The following ALOX12 variants were observed in gnomAD, a reference collection of about 807,000 sequenced individuals.
ALOX12 encodes the protein polyunsaturated fatty acid lipoxygenase ALOX12.
A neutral mutation model predicts 85.5 loss-of-function variants in ALOX12; 62 were observed. The observed-to-expected ratio is 0.73, with a 90% CI of 0.59 to 0.90. ALOX12 has a LOEUF of 0.90. ALOX12 is among the 40% of genes least tolerant of loss of function. The pLI is 0.00. For synonymous variants in ALOX12, 299 were observed against 332.7 expected (o/e 0.90, Z 1.10); for missense variants, 751 against 856.5 (o/e 0.88, Z 1.54).
chr17:6,996,514 G>T (rs1449301338), intron 1 of ALOX12, among the ~76,000 whole-genome samples: 2 of 151,724 alleles, frequency 1.3e-5, no homozygotes, highest in Non-Finnish European at 2.9e-5. Context: ...CAGTGACCCA[G>T]AGCCAATGTA....
rs148602792 is a variant in ALOX12, at chr17:6,998,570, A to C, written c.399A>C (p.Lys133Asn). 8.1e-4 allele frequency: 1,301 copies of C among 1,613,986 alleles called. 7 individuals carry two copies. Among genetic ancestry groups the C allele is most frequent in the Middle Eastern group, 4.9e-3 (30 of 6,062 alleles). The change falls in exon 3 of 14, where the codon AAA becomes AAC. Residue 133 changes from lysine (K) to asparagine (N), a missense_variant. Lys to Asn is a moderately conservative substitution (Grantham distance 94). Transcript: ENST00000251535. ...MFQKHREKEL[K>N]DRQQIYCWAT... is the part of the protein sequence containing the mutation. ...AGAAGCATCGAGAGAAGGAACTGAA[A>C]GACAGACAGCAGATCTACTGGTGAC...
In ALOX12 at chr17:7,006,505, C is replaced by T; in HGVS notation, c.1438C>T (p.His480Tyr). 6.2e-7 allele frequency: 1 copy of T among 1,613,762 alleles called. No homozygotes were observed. Among genetic ancestry groups the T allele is most frequent in the Non-Finnish European group, 8.5e-7 (1 of 1,179,918 alleles). The change falls in exon 11 of 14, where the codon CAC (histidine) becomes TAC (tyrosine). Residue 480 changes from histidine (H) to tyrosine (Y), a missense_variant. Physicochemically the swap from His to Tyr is moderately conservative, Grantham distance 83. Transcript: ENST00000251535. The stretch of plus-strand genomic sequence containing the variant: ...GGGCAGGTATGTGGAGGGGATCGTC[C>T]ACCTCTTCTACCAAAGGGATGACAT... ...IIARYVEGIV[H>Y]LFYQRDDIVK...
At chr17:6,998,373 T>C in intron 2 of ALOX12, 136 bp from the exon 3 acceptor site, 1 of 642,058 alleles carries the variant, frequency 1.6e-6, no homozygotes, top group Non-Finnish European at 2.8e-6. Flanking sequence ...GATAATCAAA[T>C]GAGGCAAAGC....
Position 7,000,238 on chromosome 17 carries a change from G to A in ALOX12, c.808-98G>A. ...ACAGGGCTCCGGTACTGATGCAGGA[G>A]AATGGCAAGAAGCTAGACTAAATCT... is the stretch of plus-strand genomic sequence containing the variant. On this transcript the variant is annotated intron_variant, in intron 6 of 13. Coordinates refer to ENST00000251535, the MANE Select transcript of ALOX12 (RefSeq NM_000697.3). The surrounding 1 kb of genome is among the most constrained non-coding windows in gnomAD (Gnocchi z 4.6). The A allele has an allele frequency of 7.0e-7, 1 of 1,421,594 alleles. No individual in the cohort carries two copies. The highest frequency in any genetic ancestry group is 1.3e-5 in the South Asian group (1 of 78,172). The allele number at this position is 1,421,594 out of a possible 1,614,324, so 88.1% of individuals were successfully genotyped here. A position where few individuals can be genotyped will look rare whatever the true frequency, so the allele number is the denominator to read the frequency against.
At position 7,000,325 on chromosome 17, in the gene ALOX12, C is replaced by T; in HGVS notation, c.808-11C>T. 6.2e-7 allele frequency: 1 copy of T among 1,614,084 alleles called. No individual in the cohort carries two copies. The highest frequency in any genetic ancestry group is 8.5e-7 in the Non-Finnish European group (1 of 1,179,968). On this transcript the variant is annotated splice_polypyrimidine_tract_variant and intron_variant, in intron 6 of 13. Transcript: ENST00000251535. The surrounding 1 kb of genome is among the most constrained non-coding windows in gnomAD (Gnocchi z 4.6). Reference sequence around the variant, plus strand: ...GAACTCTAAAAATGGATACATCCCTCCTGTCCCCAGAATGGTTCCCTGTTT... The same window carrying T: ...GAACTCTAAAAATGGATACATCCCTTCTGTCCCCAGAATGGTTCCCTGTTT...
At position 7,005,127 on chromosome 17, in the gene ALOX12, G is replaced by C. The variant is rs1051898620; in HGVS notation, c.1162-130G>C. The C allele has an allele frequency of 3.5e-6, 3 of 846,472 alleles. No individual in the cohort carries two copies. The African/African-American group carries it at 5.0e-5, about 14-fold the overall frequency. 52.4% of individuals were successfully genotyped at this position (846,472 alleles called of 1,614,324 possible). ...TGGAGAGCACAAGAGTGAGTGATCA[G>C]AACAGCAGGAGATCAGCCTGTAAAG... On this transcript the variant is annotated intron_variant, in intron 8 of 13. Coordinates refer to ENST00000251535, the MANE Select transcript of ALOX12 (RefSeq NM_000697.3).
intron 11 of ALOX12, among the ~76,000 whole-genome samples, chr17:7,006,899 C>T (rs11571347): frequency 8.5e-5 from 13 of 152,136 alleles, no homozygotes; most frequent in Non-Finnish European, 1.8e-4. Context: ...ATATCCACAG[C>T]TGGGAGGGGT....
chr17:6,999,615 A>C (rs1908612801), intron 6 of ALOX12, 149 bp downstream of exon 6: 3 of 777,860 alleles, frequency 3.9e-6, no homozygotes, highest in Non-Finnish European at 6.0e-6. Flanking sequence ...GAAATAAAAT[A>C]TGTAGGGGAA....
chr17:6,998,489 T>G lies in ALOX12; in HGVS notation c.338-20T>G. On this transcript the variant is annotated intron_variant, in intron 2 of 13. Transcript: ENST00000251535. ...GGACCAGACAGAGCCGTGAGGCCAA[T>G]TGTCTTGATGTCTCCCCAGCCCGCC... is the stretch of plus-strand genomic sequence containing the variant. The G allele has an allele frequency of 6.3e-7, 1 of 1,581,418 alleles. No individual in the cohort carries two copies. The highest frequency in any genetic ancestry group is 8.7e-7 in the Non-Finnish European group (1 of 1,152,002).
rs1908639961 is a variant in ALOX12, at chr17:7,000,138, A to G, written c.808-198A>G. 6.6e-6 allele frequency among the ~76,000 whole-genome samples: 1 copy of G among 152,146 alleles called. No homozygotes were observed. Among genetic ancestry groups the G allele is most frequent in the African/African-American group, 2.4e-5 (1 of 41,410 alleles). Reference sequence around the variant, plus strand: ...CAGATCTGCCACCACATCCACACACAAGACATCTACCCTCACCAGACTGTT... The same window carrying G: ...CAGATCTGCCACCACATCCACACACGAGACATCTACCCTCACCAGACTGTT... On this transcript the variant is annotated intron_variant, in intron 6 of 13. Transcript: ENST00000251535. This position sits in a 1 kb window ranked among gnomAD's most constrained non-coding sequence, Gnocchi z 4.6.
chr17:6,997,718 C>G (rs532514808), intron 2 of ALOX12, among the ~76,000 whole-genome samples: 1 of 151,348 alleles, frequency 6.6e-6, no homozygotes, highest in Non-Finnish European at 1.5e-5. Flanking sequence ...CCACCACACC[C>G]GGCTAATTTT....
chr17:7,009,516 G>A (rs1343382932), intron 11 of ALOX12: 5 of 508,734 alleles, frequency 9.8e-6, no homozygotes, highest in Non-Finnish European at 1.8e-5. Context: ...TATAATGTAG[G>A]TATCGTCCAT....
Position 7,009,825 on chromosome 17 carries a change from A to G in ALOX12, c.1619A>G (p.His540Arg), listed in dbSNP as rs771881031. The change falls in exon 12 of 14, where the codon CAT becomes CGT. Residue 540 changes from histidine to arginine, a missense_variant. His to Arg is a conservative substitution (Grantham distance 29, BLOSUM62 0). Transcript: ENST00000251535. ...TMCVFTCTAQ[H>R]AAINQGQLDW... Reference sequence around the variant, plus strand: ...TGCGTCTTCACGTGCACTGCCCAGCATGCCGCCATCAACCAGGGCCAGGTA... The same window carrying G: ...TGCGTCTTCACGTGCACTGCCCAGCGTGCCGCCATCAACCAGGGCCAGGTA... 9.3e-6 allele frequency: 15 copies of G among 1,614,180 alleles called. No homozygotes were observed. The East Asian group carries it at 2.9e-4, about 31-fold the overall frequency.
At chr17:6,997,678 C>T (rs1908518419) in intron 2 of ALOX12, among the ~76,000 whole-genome samples, 1 of 151,530 alleles carries the variant, frequency 6.6e-6, no homozygotes, top group African/African-American at 2.4e-5. Context: ...CTGCCTCAGC[C>T]TCCCGAGTAG....
Position 7,010,029 on chromosome 17 carries a change from T to A in ALOX12, c.1715T>A (p.Val572Glu), listed in dbSNP as rs371095990. ...RMPPPTTKED[V>E]TMATVMGSLP... ...CCCCCACCCACCACCAAGGAAGATGTGACGATGGCCACAGTGATGGGGTCA... is the reference window on the plus strand; with the variant it reads ...CCCCCACCCACCACCAAGGAAGATGAGACGATGGCCACAGTGATGGGGTCA... The change falls in exon 13 of 14, where the codon GTG becomes GAG. Residue 572 changes from valine (V) to glutamate (E), a missense_variant. Transcript: ENST00000251535. The A allele has an allele frequency of 1.9e-6, 3 of 1,614,094 alleles. No individual in the cohort carries two copies. Among genetic ancestry groups the A allele is most frequent in the Non-Finnish European group, 2.5e-6 (3 of 1,180,042 alleles).
At position 7,000,423 on chromosome 17, in the gene ALOX12, C is replaced by G. The variant is rs1283722347; in HGVS notation, c.895C>G (p.Pro299Ala). The G allele has an allele frequency of 1.2e-6, 2 of 1,614,080 alleles. No homozygotes were observed. The highest frequency in any genetic ancestry group is 1.7e-6 in the Non-Finnish European group (2 of 1,180,004). Reference sequence around the variant, plus strand: ...AGGAGAGAAGCAATACCTGGCTGCCCCCCTCGTTATGCTGAAGATGGAGCC... The same window carrying G: ...AGGAGAGAAGCAATACCTGGCTGCCGCCCTCGTTATGCTGAAGATGGAGCC... ...IRGEKQYLAA[P>A]LVMLKMEPNG... is the part of the protein sequence containing the mutation. The change falls in exon 7 of 14, where the codon CCC (proline) becomes GCC (alanine). Residue 299 changes from proline (P) to alanine (A), a missense_variant. By Grantham distance (27) the Pro-to-Ala change is conservative. Coordinates refer to ENST00000251535, the MANE Select transcript of ALOX12 (RefSeq NM_000697.3). This position sits in a 1 kb window ranked among gnomAD's most constrained non-coding sequence, Gnocchi z 4.6.
intron 11 of ALOX12, among the ~76,000 whole-genome samples, chr17:7,008,007 C>A (rs534359339): frequency 9.2e-5 from 14 of 152,328 alleles, no homozygotes; most frequent in African/African-American, 2.9e-4. Context: ...CTCTTCCAGG[C>A]TGCCCACAGC....
rs201220028 is a variant in ALOX12 at position 7,001,770 on chromosome 17, G to C, written c.1120G>C (p.Ala374Pro). 4 of 1,613,828 alleles carry C rather than the reference G, an allele frequency of 2.5e-6. No individual in the cohort carries two copies. Among genetic ancestry groups the C allele is most frequent in the Non-Finnish European group, 3.4e-6 (4 of 1,179,964 alleles). The change falls in exon 8 of 14, where the codon GCC becomes CCC. Residue 374 changes from alanine to proline, a missense_variant. By Grantham distance (27) the Ala-to-Pro change is conservative (BLOSUM62 -1). Transcript: ENST00000251535. The stretch of plus-strand genomic sequence containing the variant: ...CCTGGTGGCTGAGGTCATCGCTGTC[G>C]CCACCATGCGGTGCCTCCCAGGACT... ...THLVAEVIAV[A>P]TMRCLPGLHP...
Position 7,005,245 on chromosome 17 carries a change from C to G in ALOX12, c.1162-12C>G. 1.9e-6 allele frequency: 3 copies of G among 1,611,694 alleles called. No individual in the cohort carries two copies. The highest frequency in any genetic ancestry group is 2.5e-6 in the Non-Finnish European group (3 of 1,177,870). On this transcript the variant is annotated splice_polypyrimidine_tract_variant and intron_variant, in intron 8 of 13. Transcript: ENST00000251535. The stretch of plus-strand genomic sequence containing the variant: ...CTCCACCAGTCACGCCCTCCAATCT[C>G]CTCCTCTCCAGTTCCTGATCCCCCA...
Sources: gnomAD v4.1 joint callset for allele counts (sites outside exome capture counted in the v4.1 genomes callset) on GRCh38, gnomAD v4.1.1 for gene constraint, Gnocchi (gnomAD v3.1) non-coding constraint, MANE v1.5 for transcripts, NCBI Gene and HGNC (gene_info 2026-07-23, HGNC 2026-07-21) for gene names.